SOX5: variants seen among roughly 807,000 people sequenced by gnomAD.
The protein encoded by SOX5 is SRY-box transcription factor 5.
A neutral mutation model predicts 92.0 loss-of-function variants in SOX5; 9 were observed. The observed-to-expected ratio is 0.10, with a 90% CI of 0.06 to 0.17. The LOEUF is 0.17. Ranked by LOEUF, SOX5 falls within the 10% of genes least tolerant of loss-of-function variation. The pLI, the probability that SOX5 is intolerant of heterozygous loss-of-function variation, is 1.00. For missense variants in SOX5, 642 were observed against 944.5 expected (o/e 0.68, Z 4.20); for synonymous variants, 344 against 336.3 (o/e 1.02, Z -0.25).
chr12:24,441,325 C>T (rs1359883545), intron 1 of SOX5, among the ~76,000 whole-genome samples: 1 of 152,192 alleles, frequency 6.6e-6, no homozygotes, highest in Non-Finnish European at 1.5e-5. Context: ...AATCTTTCTC[C>T]TCCTACGGTC....
intron 6 of SOX5, among the ~76,000 whole-genome samples, chr12:23,679,165 T>C (rs1346032634): frequency 6.6e-6 from 1 of 152,114 alleles, no homozygotes; most frequent in Non-Finnish European, 1.5e-5. Flanking sequence ...GAAAGAGAAA[T>C]CTAGTAAATC....
intron 4 of SOX5, among the ~76,000 whole-genome samples, chr12:24,143,915 T>C (rs1352476238): frequency 6.6e-6 from 1 of 151,734 alleles, no homozygotes; most frequent in Non-Finnish European, 1.5e-5. Context: ...GAAATAATAA[T>C]AATGACTATA....
chr12:24,348,800 T>C (rs538967031), intron 2 of SOX5, among the ~76,000 whole-genome samples: 1 of 152,146 alleles, frequency 6.6e-6, no homozygotes, highest in Non-Finnish European at 1.5e-5. Context: ...AATTGAATCA[T>C]GGGGGCGGGT....
At chr12:23,797,005 A>G (rs993292226) in intron 3 of SOX5, among the ~76,000 whole-genome samples, 6 of 150,766 alleles carry the variant, frequency 4.0e-5, no homozygotes, top group African/African-American at 1.2e-4. Flanking sequence ...GGAAATTAGT[A>G]ACTATTTTTA....
chr12:24,489,448 A>G (rs1305528119), intron 1 of SOX5, among the ~76,000 whole-genome samples: 1 of 152,134 alleles, frequency 6.6e-6, no homozygotes, highest in African/African-American at 2.4e-5. Flanking sequence ...GAGGCTGTTC[A>G]GTTATCCCAC....
intron 12 of SOX5, among the ~76,000 whole-genome samples, chr12:23,545,290 C>T (rs1214993505): frequency 6.6e-6 from 1 of 152,160 alleles, no homozygotes; most frequent in African/African-American, 2.4e-5. Context: ...GTAGTAGTAA[C>T]AAAGTTGAGG....
chr12:24,522,563 A>T (rs1950354030), intron 1 of SOX5, among the ~76,000 whole-genome samples: 1 of 152,232 alleles, frequency 6.6e-6, no homozygotes, highest in African/African-American at 2.4e-5. Context: ...GCATATTAAA[A>T]GAAACATATT....
intron 2 of SOX5, among the ~76,000 whole-genome samples, chr12:23,860,217 A>G (rs1160640404): frequency 6.6e-6 from 1 of 152,094 alleles, no homozygotes; most frequent in East Asian, 1.9e-4. Context: ...TACCTGGGTG[A>G]TGCAATAATA....
chr12:23,637,575 G>A (rs2138626371), intron 8 of SOX5, among the ~76,000 whole-genome samples: 2 of 152,282 alleles, frequency 1.3e-5, no homozygotes, highest in Middle Eastern at 6.8e-3. Context: ...TGAGGGAGCT[G>A]AGGAGAGAGA....
At chr12:24,258,034 G>A (rs12368240) in intron 3 of SOX5, among the ~76,000 whole-genome samples, 23,335 of 151,966 alleles carry the variant, frequency 0.15, 2,220 homozygotes, top group South Asian at 0.23. Context: ...TTAGCTGGGC[G>A]CGGTGGCGGG....
intron 1 of SOX5, among the ~76,000 whole-genome samples, chr12:23,900,588 T>C (rs1357590227): frequency 6.6e-6 from 1 of 152,180 alleles, no homozygotes; most frequent in Non-Finnish European, 1.5e-5. Flanking sequence ...ATGTTATTGG[T>C]TCTGGAGGGT....
rs190572434 is a variant in SOX5, at chr12:23,704,151, A to T, written c.810+30533T>A. Among the ~76,000 whole-genome samples the T allele has an allele frequency of 2.8e-4, 42 of 150,562 alleles. 1 individual carries two copies. The East Asian group carries it at 7.4e-3, about 27-fold the overall frequency. ...TTTTCCTCTTCTACTTCCTCCAATG[A>T]CTCCTCCCCATCTTCTAACGCTTGT... On this transcript the variant is annotated intron_variant, in intron 6 of 14. Transcript: ENST00000451604.
At chr12:23,697,587 G>A (rs906295731) in intron 6 of SOX5, among the ~76,000 whole-genome samples, 2 of 151,968 alleles carry the variant, frequency 1.3e-5, no homozygotes, top group African/African-American at 2.4e-5. Context: ...TTCTCACTCC[G>A]CCACCCAGGC....
At chr12:23,561,461 G>A (rs145248900) in intron 11 of SOX5, among the ~76,000 whole-genome samples, 1 of 152,158 alleles carries the variant, frequency 6.6e-6, no homozygotes, top group Non-Finnish European at 1.5e-5. Context: ...TATTAGAGAA[G>A]ATTAACTCAC....
intron 2 of SOX5, among the ~76,000 whole-genome samples, chr12:23,882,503 GT>G (rs2097006119): frequency 6.6e-6 from 1 of 151,994 alleles, no homozygotes; most frequent in Non-Finnish European, 1.5e-5. Flanking sequence ...CCAAAATATT[GT>G]TTGGTATTGT....
At chr12:23,649,327 C>T (rs1026841514) in intron 7 of SOX5, among the ~76,000 whole-genome samples, 7 of 151,856 alleles carry the variant, frequency 4.6e-5, no homozygotes, top group African/African-American at 7.3e-5. Context: ...CATCTATTTG[C>T]GCCATTCCTC....
At chr12:23,806,300 A>G (rs1282241737) in intron 3 of SOX5, among the ~76,000 whole-genome samples, 1 of 152,168 alleles carries the variant, frequency 6.6e-6, no homozygotes, top group Non-Finnish European at 1.5e-5. Flanking sequence ...GGACAAGAAT[A>G]TAAAGGACAA....
chr12:24,127,593 G>C (rs1484769268), intron 4 of SOX5, among the ~76,000 whole-genome samples: 2 of 152,126 alleles, frequency 1.3e-5, no homozygotes, highest in East Asian at 3.9e-4. Context: ...GATCACTTCA[G>C]CTGTTGCCAC....
chr12:24,398,771 A>G (rs7966399), intron 1 of SOX5, among the ~76,000 whole-genome samples: 31,193 of 152,152 alleles, frequency 0.21, 3,883 homozygotes, highest in South Asian at 0.3. Flanking sequence ...TGCACATCTA[A>G]TAACAGGAAG....
Sources: allele counts gnomAD v4.1 joint callset (sites outside exome capture counted in the v4.1 genomes callset), GRCh38; gene constraint gnomAD v4.1.1; transcripts MANE v1.5; gene names NCBI Gene and HGNC (gene_info 2026-07-23, HGNC 2026-07-21).